SPTB: variants seen among roughly 807,000 people sequenced by gnomAD.
SPTB encodes the protein spectrin beta chain, erythrocytic.
Under a neutral mutation model 256.2 loss-of-function variants are expected in SPTB, and 45 were observed. The ratio of observed to expected loss-of-function variants is 0.18; its 90% CI spans 0.14 to 0.23. The LOEUF is 0.23. SPTB is among the 10% of genes least tolerant of loss of function. SPTB has a pLI of 1.00. For synonymous variants in SPTB, 1,231 were observed against 1,243.1 expected, an observed-to-expected ratio of 0.99 and a Z score of 0.21; for missense variants, 2,715 against 3,040.4, an observed-to-expected ratio of 0.89 and a Z score of 2.52.
chr14:64,788,317 G>A (rs1451406489), intron 15 of SPTB, among the ~76,000 whole-genome samples: 2 of 152,242 alleles, frequency 1.3e-5, no homozygotes, highest in African/African-American at 4.8e-5. Flanking sequence ...GATGGAGGCT[G>A]AGGGACTAGG....
rs1371079994 is a variant in SPTB at position 64,772,541 on chromosome 14, G to A, written c.5553+39C>T. ...TGGGGACTGACACCCAGGGCTCCTG[G>A]AAATTGGTAGCAGGTGGGCGGCAGG... On this transcript the variant is annotated intron_variant, in intron 26 of 35. Coordinates refer to ENST00000644917, the MANE Select transcript of SPTB (RefSeq NM_001355436.2). The surrounding 1 kb of genome is among the most constrained non-coding windows in gnomAD (Gnocchi z 5.4). The A allele has an allele frequency of 5.6e-6, 9 of 1,598,260 alleles. No individual in the cohort carries two copies. Among genetic ancestry groups the A allele is most frequent in the African/African-American group, 1.3e-5 (1 of 74,868 alleles).
chr14:64,769,520 G>T, intron 28 of SPTB, 70 bp downstream of exon 28: 2 of 1,596,490 alleles, frequency 1.3e-6, no homozygotes, highest in African/African-American at 2.7e-5. Context: ...CTCCCTCCCA[G>T]GAGGCTGCCT....
Position 64,800,833 on chromosome 14 carries a change from T to C in SPTB, c.799A>G (p.Ile267Val), listed in dbSNP as rs752289369. The C allele has an allele frequency of 8.7e-6, 14 of 1,614,114 alleles. No individual in the cohort carries two copies. Among genetic ancestry groups the C allele is most frequent in the African/African-American group, 1.3e-5 (1 of 74,948 alleles). Residue 267 changes from isoleucine to valine, a missense_variant, in exon 8 of 36, where the codon ATC (isoleucine) becomes GTC (valine). Ile to Val is a conservative substitution (Grantham distance 29, BLOSUM62 3). This residue lies in a region of SPTB where 416 missense variants were observed against 571.1 expected (regional missense o/e 0.73). Transcript: ENST00000644917. ...TGGTAAAAGGCCACCACATAGGTGA[T>C]GATGGATTTCTCATCAGGGTTTTCC... ...FTENPDEKSI[I>V]TYVVAFYHYF...
chr14:64,771,454 G>A (rs957250269), intron 26 of SPTB, among the ~76,000 whole-genome samples: 1 of 152,146 alleles, frequency 6.6e-6, no homozygotes, highest in Admixed American at 6.5e-5. Context: ...AACTCTCTTC[G>A]TCTTTCCAAC....
At chr14:64,765,267 G>T (rs2082152071) in intron 32 of SPTB, among the ~76,000 whole-genome samples, 2 of 152,252 alleles carry the variant, frequency 1.3e-5, no homozygotes, top group South Asian at 4.1e-4. Context: ...AAGGATCTGT[G>T]GCTCCCTTGG....
chr14:64,851,607 T>C (rs1566802951), intron 1 of SPTB, among the ~76,000 whole-genome samples: 1 of 152,132 alleles, frequency 6.6e-6, no homozygotes, highest in Non-Finnish European at 1.5e-5. Flanking sequence ...TTGCTAGGCA[T>C]GAGGGTTACG....
Position 64,793,767 on chromosome 14 carries a change from T to C in SPTB, c.1896A>G (p.Gln632=), listed in dbSNP as rs74056006. The C allele has an allele frequency of 3.9e-4, 624 of 1,611,916 alleles. 5 individuals carry two copies. The African/African-American group carries it at 7.1e-3, about 18-fold the overall frequency. Residue 632 remains glutamine (Q), a synonymous_variant, in exon 14 of 36, where the codon CAA becomes CAG. Transcript: ENST00000644917. This position sits in a 1 kb window ranked among gnomAD's most constrained non-coding sequence, Gnocchi z 7.0. Reference sequence around the variant, plus strand: ...TCCAGAGTCGTTTGGACTGCTCCAGTTGGGCCTTCCGCCCAGCTGCCATGT... The same window carrying C: ...TCCAGAGTCGTTTGGACTGCTCCAGCTGGGCCTTCCGCCCAGCTGCCATGT... ...LSNMAAGRKA[Q]LEQSKRLWKF... is the part of the protein sequence containing the mutation.
rs745976290 is a variant in SPTB at position 64,779,708 on chromosome 14, A to C, written c.4473+17T>G. 1 of 1,614,044 alleles carries C rather than the reference A, an allele frequency of 6.2e-7. No individual in the cohort carries two copies. On this transcript the variant is annotated intron_variant, in intron 21 of 35. Coordinates refer to ENST00000644917, the MANE Select transcript of SPTB (RefSeq NM_001355436.2). The surrounding 1 kb of genome is among the most constrained non-coding windows in gnomAD (Gnocchi z 4.2). The stretch of plus-strand genomic sequence containing the variant: ...GGCTCAGCCTCAGGAGGTAGGGAGA[A>C]GCTGTGGCCCACGCACCGTCTCATC...
chr14:64,774,289 A>C, intron 24 of SPTB, 108 bp downstream of exon 24: 1 of 1,425,166 alleles, frequency 7.0e-7, no homozygotes, highest in Non-Finnish European at 9.4e-7. Context: ...GCCCTATTTG[A>C]TGGGAAAACT....
chr14:64,821,203 T>C (rs1254119853), intron 2 of SPTB, among the ~76,000 whole-genome samples: 1 of 152,202 alleles, frequency 6.6e-6, no homozygotes, highest in East Asian at 1.9e-4. Context: ...TATGTGCCCA[T>C]CCTACAGTTC....
Position 64,760,048 on chromosome 14 carries a change from A to G in SPTB, c.6346-6255T>C, listed in dbSNP as rs1386414217. Among the ~76,000 whole-genome samples, 1 of 152,104 alleles carries G rather than the reference A, an allele frequency of 6.6e-6. No homozygotes were observed. Among genetic ancestry groups the G allele is most frequent in the Admixed American group, 6.5e-5 (1 of 15,268 alleles). ...CAGCATTGGTTGCTGGTTGACAGGG[A>G]TCAGTGGAGAAGAGGGCACAGCCCT... On this transcript the variant is annotated intron_variant, in intron 32 of 35. Coordinates refer to ENST00000644917, the MANE Select transcript of SPTB (RefSeq NM_001355436.2). The surrounding 1 kb of genome is among the most constrained non-coding windows in gnomAD (Gnocchi z 4.3).
Position 64,816,293 on chromosome 14 carries a change from A to C in SPTB, c.148+6654T>G, listed in dbSNP as rs1055078649. Among the ~76,000 whole-genome samples the C allele has an allele frequency of 1.3e-5, 2 of 152,120 alleles. No homozygotes were observed. Among genetic ancestry groups the C allele is most frequent in the Non-Finnish European group, 2.9e-5 (2 of 68,038 alleles). ...TTGAATAAAAAACTCAACATCATCA[A>C]GATATCAATTTACCCTAAATCAATA... On this transcript the variant is annotated intron_variant, in intron 2 of 35. Coordinates refer to ENST00000644917, the MANE Select transcript of SPTB (RefSeq NM_001355436.2). The surrounding 1 kb of genome is among the most constrained non-coding windows in gnomAD (Gnocchi z 4.2).
intron 1 of SPTB, among the ~76,000 whole-genome samples, chr14:64,868,343 G>T (rs1882321206): frequency 6.6e-6 from 1 of 152,144 alleles, no homozygotes; most frequent in South Asian, 2.1e-4. Context: ...ACCAAAAATG[G>T]TGTGAGATTC....
At position 64,771,031 on chromosome 14, in the gene SPTB, C is replaced by A. The variant is rs146536978; in HGVS notation, c.5652G>T (p.Ala1884=). 2 of 1,614,086 alleles carry A rather than the reference C, an allele frequency of 1.2e-6. No homozygotes were observed. Among genetic ancestry groups the A allele is most frequent in the African/African-American group, 2.7e-5 (2 of 74,954 alleles). ...IQNKEQEVSA[A]WQALLDACAG... is the part of the protein sequence containing the mutation. ...CACAGGCATCGAGCAGCGCCTGCCA[C>A]GCGGCAGACACCTCCTGCTCCTTGT... The change falls in exon 27 of 36, where the codon GCG becomes GCT. Residue 1884 remains alanine (A), a synonymous_variant. Transcript: ENST00000644917.
chr14:64,813,396 G>GAAAACAATC (rs1240682238), intron 2 of SPTB, among the ~76,000 whole-genome samples: 2 of 152,194 alleles, frequency 1.3e-5, no homozygotes, highest in Non-Finnish European at 2.9e-5. Context: ...TGAGCCTTCT[G>GAAAACAATC]AAAACAATCA....
chr14:64,796,453 C>A lies in SPTB; in HGVS notation c.1341+104G>T, dbSNP rs188601845. The stretch of plus-strand genomic sequence containing the variant: ...CACGGGGGAGCTGTGCTGCAAGGCA[C>A]GAGGAGAGGCTGTGAGAAGCCAGCT... On this transcript the variant is annotated intron_variant, in intron 11 of 35. Coordinates refer to ENST00000644917, the MANE Select transcript of SPTB (RefSeq NM_001355436.2). The surrounding 1 kb of genome is among the most constrained non-coding windows in gnomAD (Gnocchi z 4.1). 74 of 1,499,876 alleles carry A rather than the reference C, an allele frequency of 4.9e-5. No homozygotes were observed. The highest frequency in any genetic ancestry group is 4.8e-5 in the Non-Finnish European group (52 of 1,084,378). 92.9% of individuals were successfully genotyped at this position (1,499,876 alleles called of 1,614,324 possible). A position where few individuals can be genotyped will look rare whatever the true frequency, so the allele number is the denominator to read the frequency against.
At chr14:64,754,093 G>GGAA in intron 32 of SPTB, 1 of 518,956 alleles carries the variant, frequency 1.9e-6, no homozygotes, top group Non-Finnish European at 3.5e-6. Context: ...GTGAGCCAAA[G>GGAA]GGGCCTGAGT....
At chr14:64,868,643 G>A (rs185014237) in intron 1 of SPTB, among the ~76,000 whole-genome samples, 6 of 152,308 alleles carry the variant, frequency 3.9e-5, no homozygotes, top group Admixed American at 3.9e-4. Flanking sequence ...AAACAAGCTA[G>A]GAGGGAAAAA....
rs2083679992 is a variant in SPTB at position 64,845,670 on chromosome 14, C to G, written c.-51-22525G>C. 6.6e-6 allele frequency among the ~76,000 whole-genome samples: 1 copy of G among 152,212 alleles called. No homozygotes were observed. Among genetic ancestry groups the G allele is most frequent in the Non-Finnish European group, 1.5e-5 (1 of 68,034 alleles). ...CAACTTACAAAGCTGCCAAGCTATT[C>G]CAGCCTTTGACAATAGGAAATTATC... is the stretch of plus-strand genomic sequence containing the variant. On this transcript the variant is annotated intron_variant, in intron 1 of 35. Transcript: ENST00000644917. This position sits in a 1 kb window ranked among gnomAD's most constrained non-coding sequence, Gnocchi z 4.8.
Sources: gnomAD v4.1 joint callset for allele counts (sites outside exome capture counted in the v4.1 genomes callset) on GRCh38, gnomAD v4.1.1 for gene constraint, gnomAD v4.1.1 regional missense constraint, Gnocchi (gnomAD v3.1) non-coding constraint, MANE v1.5 for transcripts, NCBI Gene and HGNC (gene_info 2026-07-23, HGNC 2026-07-21) for gene names.